NMT2: variants seen among roughly 807,000 people sequenced by gnomAD.
NMT2 encodes glycylpeptide N-tetradecanoyltransferase 2.
In NMT2, 35 loss-of-function variants were observed where a neutral mutation model predicts 65.4. That is an observed-to-expected ratio of 0.54 (90% CI 0.41 to 0.71). The LOEUF (loss-of-function observed/expected upper bound fraction) is 0.71, where lower values mean the gene tolerates loss of function less well. NMT2 is among the 30% of genes least tolerant of loss of function. The pLI, the probability that NMT2 is intolerant of heterozygous loss-of-function variation, is 0.00. For synonymous variants in NMT2, 226 were observed against 231.8 expected, an observed-to-expected ratio of 0.98 and a Z score of 0.23; for missense variants, 489 against 611.3, an observed-to-expected ratio of 0.80 and a Z score of 2.11.
intron 1 of NMT2, among the ~76,000 whole-genome samples, 194 bp from the exon 2 acceptor site, chr10:15,141,751 C>T (rs1332779819): frequency 6.6e-6 from 1 of 152,144 alleles, no homozygotes; most frequent in African/African-American, 2.4e-5. Flanking sequence ...AATACCAGCC[C>T]CCGCTCAGTC....
At chr10:15,154,712 A>G (rs1044273059) in intron 1 of NMT2, 14 of 527,660 alleles carry the variant, frequency 2.7e-5, no homozygotes, top group Non-Finnish European at 5.0e-5. Context: ...AGATTCTAGG[A>G]TACTGCGAGC....
chr10:15,137,390 T>C (rs1279051331), intron 2 of NMT2, among the ~76,000 whole-genome samples: 2 of 152,152 alleles, frequency 1.3e-5, no homozygotes, highest in Non-Finnish European at 2.9e-5. Context: ...AAAGGTCCTA[T>C]CTTAATGACA....
intron 1 of NMT2, among the ~76,000 whole-genome samples, chr10:15,145,159 T>C (rs529770498): frequency 1.3e-5 from 2 of 152,300 alleles, no homozygotes; most frequent in South Asian, 2.1e-4. Flanking sequence ...CCAAGGACCA[T>C]GTATTGTATA....
intron 1 of NMT2, among the ~76,000 whole-genome samples, chr10:15,162,892 T>C (rs951002044): frequency 2.7e-5 from 4 of 148,918 alleles, no homozygotes; most frequent in African/African-American, 4.9e-5. Flanking sequence ...GATATTTATA[T>C]ATGTGATATA....
intron 8 of NMT2, among the ~76,000 whole-genome samples, chr10:15,120,452 C>T (rs549580419): frequency 1.3e-5 from 2 of 152,118 alleles, no homozygotes; most frequent in South Asian, 2.1e-4. Context: ...GGAGGGACTT[C>T]GTCTCAAAAA....
rs747200119 is a variant in NMT2, at chr10:15,112,826, G to A, written c.1308C>T (p.Leu436=). The part of the protein sequence containing the change: ...NIHTETPLLD[L]MSDALILAKS... ...TAGCCAGGATGAGCGCGTCGCTCATGAGGTCCAGCAGGGGCGTCTCTGTGT... is the reference window on the plus strand; with the variant it reads ...TAGCCAGGATGAGCGCGTCGCTCATAAGGTCCAGCAGGGGCGTCTCTGTGT... The change falls in exon 10 of 12, where the codon CTC becomes CTT. Residue 436 remains leucine, a synonymous_variant. Transcript: ENST00000378165. 12 of 1,613,818 alleles carry A rather than the reference G, an allele frequency of 7.4e-6. No individual in the cohort carries two copies. The highest frequency in any genetic ancestry group is 1.6e-4 in the Middle Eastern group (1 of 6,062).
chr10:15,140,184 G>A (rs1053208252), intron 2 of NMT2, among the ~76,000 whole-genome samples: 2 of 152,112 alleles, frequency 1.3e-5, no homozygotes, highest in East Asian at 2.0e-4. Flanking sequence ...GTGCAGTGGC[G>A]TGATCTTGGC....
chr10:15,128,268 T>G, intron 8 of NMT2, 82 bp downstream of exon 8: 1 of 825,446 alleles, frequency 1.2e-6, no homozygotes. Flanking sequence ...AGTCAGTTTT[T>G]AGACTCCTGC....
chr10:15,131,871 ATTTT>A (rs869083149), intron 6 of NMT2, among the ~76,000 whole-genome samples: 1 of 147,136 alleles, frequency 6.8e-6, no homozygotes, highest in Admixed American at 6.8e-5. Flanking sequence ...TTTTTAAGTA[ATTTT>A]TTTTTTTTGA....
intron 1 of NMT2, among the ~76,000 whole-genome samples, chr10:15,159,570 G>A (rs1441235200): frequency 6.6e-6 from 1 of 152,094 alleles, no homozygotes; most frequent in Admixed American, 6.6e-5. Flanking sequence ...TGGGATTACA[G>A]GTGCCCGCCA....
rs867770948 is a variant in NMT2, at chr10:15,161,947, C to A, written c.110+6556G>T. ...ATGGATAAAGAAATATAGATGAAAA[C>A]ATACTTGTTCAAAATGTACAGATCG... is the stretch of plus-strand genomic sequence containing the variant. On this transcript the variant is annotated intron_variant, in intron 1 of 11. Transcript: ENST00000378165. 2.5e-4 allele frequency among the ~76,000 whole-genome samples: 38 copies of A among 152,100 alleles called. No homozygotes were observed. In the Middle Eastern group the frequency reaches 0.017, roughly 68 times the overall value.
intron 2 of NMT2, among the ~76,000 whole-genome samples, chr10:15,138,004 CTTT>C (rs374744946): frequency 2.3e-5 from 3 of 128,132 alleles, no homozygotes; most frequent in African/African-American, 2.9e-5. Context: ...TCTTCTTCTT[CTTT>C]TTTTTTTTTT....
intron 9 of NMT2, among the ~76,000 whole-genome samples, chr10:15,113,995 A>G (rs1490971951): frequency 6.6e-6 from 1 of 152,180 alleles, no homozygotes; most frequent in African/African-American, 2.4e-5. Flanking sequence ...CACACATGCC[A>G]CTGCTAGTAT....
chr10:15,117,945 T>A (rs1845798049), intron 9 of NMT2, among the ~76,000 whole-genome samples: 1 of 152,238 alleles, frequency 6.6e-6, no homozygotes, highest in Admixed American at 6.5e-5. Flanking sequence ...TATCCTCAAA[T>A]TAATCTATCA....
intron 2 of NMT2, chr10:15,138,527 C>T: frequency 2.1e-6 from 1 of 465,390 alleles, no homozygotes; most frequent in South Asian, 1.6e-5. Flanking sequence ...ATATAAGAGG[C>T]AGGTATATTC....
chr10:15,141,296 C>T, intron 2 of NMT2, 126 bp downstream of exon 2: 2 of 1,223,930 alleles, frequency 1.6e-6, no homozygotes, highest in African/African-American at 1.5e-5. Flanking sequence ...CTTCCAGTTA[C>T]TAGTGGCATT....
At chr10:15,137,042 T>C (rs2131561457) in intron 2 of NMT2, among the ~76,000 whole-genome samples, 1 of 152,308 alleles carries the variant, frequency 6.6e-6, no homozygotes, top group South Asian at 2.1e-4. Context: ...GCCCTTCGGT[T>C]TTGCTGTATG....
intron 3 of NMT2, 137 bp from the exon 4 acceptor site, chr10:15,133,500 A>G: frequency 1.5e-6 from 1 of 668,526 alleles, no homozygotes; most frequent in Non-Finnish European, 2.7e-6. Context: ...TAATCTTTAA[A>G]AAGATGCTGT....
chr10:15,130,287 A>C lies in NMT2; in HGVS notation c.745T>G (p.Phe249Val), dbSNP rs1846232619. The change falls in exon 7 of 12, where the codon TTT becomes GTT. Residue 249 changes from phenylalanine (F) to valine (V), a missense_variant. Coordinates refer to ENST00000378165, the MANE Select transcript of NMT2 (RefSeq NM_004808.3). ...CTCAACTTCTTATGAACACAAAGAA[A>C]GTTGATTTCTACCATCTTCTTCACA... ...DSVKKMVEIN[F>V]LCVHKKLRSK... The C allele has an allele frequency of 6.3e-7, 1 of 1,596,622 alleles. No individual in the cohort carries two copies. The highest frequency in any genetic ancestry group is 2.3e-5 in the East Asian group (1 of 44,270).
Sources: gnomAD v4.1 joint callset for allele counts (sites outside exome capture counted in the v4.1 genomes callset) on GRCh38, gnomAD v4.1.1 for gene constraint, MANE v1.5 for transcripts, NCBI Gene and HGNC (gene_info 2026-07-23, HGNC 2026-07-21) for gene names.